The following SORCS1 variants were observed in gnomAD, a reference collection of about 807,000 sequenced individuals.
The protein encoded by SORCS1 is sortilin related VPS10 domain containing receptor 1, also known as VPS10 domain-containing receptor SorCS1.
SORCS1 carries 60 observed loss-of-function variants against 146.1 expected under a neutral mutation model. The observed-to-expected ratio is 0.41, with a 90% CI of 0.33 to 0.51. The LOEUF is 0.51. SORCS1 is among the 20% of genes least tolerant of loss of function. The pLI is 0.21. For missense variants in SORCS1, 1,352 were observed against 1,487.6 expected (o/e 0.91, Z 1.50); for synonymous variants, 637 against 584.0 (o/e 1.09, Z -1.31).
In SORCS1 at chr10:107,127,709, G is replaced by C. The variant is rs181394202; in HGVS notation, c.558+36260C>G. 1.6e-3 allele frequency among the ~76,000 whole-genome samples: 237 copies of C among 152,180 alleles called. 1 individual carries two copies. The highest frequency in any genetic ancestry group is 2.7e-3 in the Non-Finnish European group (186 of 68,006). On this transcript the variant is annotated intron_variant, in intron 1 of 25. Transcript: ENST00000263054. Reference sequence around the variant, plus strand: ...TCCCCTTCTGCCCTCATGCTCAAAGGCTGCCTTTCCATCTGGCATTGTTCA... The same window carrying C: ...TCCCCTTCTGCCCTCATGCTCAAAGCCTGCCTTTCCATCTGGCATTGTTCA...
chr10:107,030,581 G>A (rs1275849207), intron 1 of SORCS1, among the ~76,000 whole-genome samples: 1 of 152,100 alleles, frequency 6.6e-6, no homozygotes, highest in Non-Finnish European at 1.5e-5. Context: ...AGTAAAAAAA[G>A]CAATTTAACT....
At chr10:107,116,301 A>G (rs559251455) in intron 1 of SORCS1, among the ~76,000 whole-genome samples, 63 of 152,168 alleles carry the variant, frequency 4.1e-4, no homozygotes, top group Non-Finnish European at 7.6e-4. Context: ...TCTTCAAGAG[A>G]TACCAGAATC....
intron 5 of SORCS1, among the ~76,000 whole-genome samples, chr10:106,744,011 A>G (rs1369750344): frequency 6.6e-6 from 1 of 152,154 alleles, no homozygotes; most frequent in East Asian, 1.9e-4. Flanking sequence ...ATTAGAACAC[A>G]CTGTTTTGCC....
At chr10:106,648,134 T>G (rs183313748) in intron 18 of SORCS1, among the ~76,000 whole-genome samples, 338 of 152,330 alleles carry the variant, frequency 2.2e-3, no homozygotes, top group Non-Finnish European at 3.9e-3. Context: ...AATGTTGGGA[T>G]CCACCGCACC....
At chr10:107,137,226 T>C (rs976038187) in intron 1 of SORCS1, among the ~76,000 whole-genome samples, 12 of 152,298 alleles carry the variant, frequency 7.9e-5, no homozygotes, top group Non-Finnish European at 1.3e-4. Context: ...TTGGGTGTTA[T>C]GTAGGCACTG....
intron 3 of SORCS1, among the ~76,000 whole-genome samples, chr10:106,825,373 G>A (rs1461394234): frequency 2.0e-5 from 3 of 148,252 alleles, no homozygotes; most frequent in East Asian, 4.0e-4. Flanking sequence ...CCAGGTTCAC[G>A]CCATTCTCCT....
intron 1 of SORCS1, among the ~76,000 whole-genome samples, chr10:107,025,963 A>G (rs1053071277): frequency 6.6e-6 from 1 of 152,156 alleles, no homozygotes; most frequent in African/African-American, 2.4e-5. Context: ...CTTGAGAGCT[A>G]CATCAGCCTC....
intron 2 of SORCS1, among the ~76,000 whole-genome samples, chr10:106,949,950 A>G (rs1177757328): frequency 1.3e-5 from 2 of 152,074 alleles, no homozygotes; most frequent in African/African-American, 4.8e-5. Context: ...TATAACAGGG[A>G]AAAAAAAGAT....
chr10:107,111,583 A>AAT (rs1313827937), intron 1 of SORCS1, among the ~76,000 whole-genome samples: 2 of 152,300 alleles, frequency 1.3e-5, no homozygotes, highest in East Asian at 3.9e-4. Context: ...ATGGGACAAA[A>AAT]ATCAATTGTA....
intron 1 of SORCS1, among the ~76,000 whole-genome samples, chr10:107,162,648 T>G (rs567622259): frequency 7.9e-5 from 12 of 152,334 alleles, no homozygotes; most frequent in African/African-American, 2.9e-4. Flanking sequence ...TGATGTGCCT[T>G]AATACAATTT....
chr10:106,725,639 A>G (rs904389665), intron 6 of SORCS1, among the ~76,000 whole-genome samples: 3 of 152,050 alleles, frequency 2.0e-5, no homozygotes, highest in Non-Finnish European at 2.9e-5. Flanking sequence ...CAATTAGGAA[A>G]TGAGAAAGAG....
intron 5 of SORCS1, among the ~76,000 whole-genome samples, chr10:106,749,668 C>T (rs960077938): frequency 6.6e-6 from 1 of 152,160 alleles, no homozygotes; most frequent in African/African-American, 2.4e-5. Flanking sequence ...TAAAAATTCC[C>T]ATTGAAAATA....
chr10:107,123,750 A>G (rs1310849384), intron 1 of SORCS1, among the ~76,000 whole-genome samples: 3 of 152,094 alleles, frequency 2.0e-5, no homozygotes, highest in Non-Finnish European at 4.4e-5. Context: ...TGAACATATT[A>G]CCTACTGGAA....
At chr10:107,176,967 CAT>C in the SORCS1 span, among the ~76,000 whole-genome samples, 1 of 151,982 alleles carries the variant, frequency 6.6e-6, no homozygotes, top group Non-Finnish European at 1.5e-5. Context: ...AATTGTCAAT[CAT>C]ATGTGTGTGT....
intron 1 of SORCS1, among the ~76,000 whole-genome samples, chr10:107,017,486 T>C (rs2225177): frequency 0.089 from 13,522 of 152,206 alleles, 1,690 homozygotes; most frequent in African/African-American, 0.28. Flanking sequence ...GTCAGGAGTA[T>C]AGTTAGCTTT....
chr10:106,771,171 A>G (rs1208829920), intron 4 of SORCS1, among the ~76,000 whole-genome samples: 1 of 152,012 alleles, frequency 6.6e-6, no homozygotes, highest in Middle Eastern at 3.2e-3. Context: ...TTACCCCGGC[A>G]TAGACAGCAA....
Position 106,955,605 on chromosome 10 carries a change from C to T in SORCS1, c.626+908G>A, listed in dbSNP as rs142427245. Among the ~76,000 whole-genome samples, 119 of 152,336 alleles carry T rather than the reference C, an allele frequency of 7.8e-4. 1 individual carries two copies. The East Asian group carries it at 0.018, about 22-fold the overall frequency. On this transcript the variant is annotated intron_variant, in intron 2 of 25. Transcript: ENST00000263054. ...GTGTGAAGCAATACAGTGTGAATCC[C>T]AAAGATAAGGGTGTGCATGAGTGTG... is the stretch of plus-strand genomic sequence containing the variant.
At chr10:106,927,646 G>A (rs1323542568) in intron 2 of SORCS1, among the ~76,000 whole-genome samples, 12 of 152,258 alleles carry the variant, frequency 7.9e-5, no homozygotes, top group South Asian at 2.1e-4. Context: ...TGATTGGTGC[G>A]TTTACAATCC....
intron 1 of SORCS1, among the ~76,000 whole-genome samples, chr10:106,967,154 T>C (rs959172101): frequency 4.0e-5 from 6 of 151,870 alleles, no homozygotes; most frequent in African/African-American, 9.7e-5. Context: ...TCTATTAATT[T>C]CACATTGCCA....
Sources: allele counts gnomAD v4.1 joint callset (sites outside exome capture counted in the v4.1 genomes callset), GRCh38; gene constraint gnomAD v4.1.1; transcripts MANE v1.5; gene names NCBI Gene and HGNC (gene_info 2026-07-23, HGNC 2026-07-21).